The following TMEM132D variants were observed in gnomAD, a reference collection of about 807,000 sequenced individuals.
The protein encoded by TMEM132D is mature OL transmembrane protein.
Under a neutral mutation model 62.3 loss-of-function variants are expected in TMEM132D, and 21 were observed. The observed-to-expected ratio is 0.34, with a 90% CI of 0.24 to 0.49. The LOEUF is 0.49. TMEM132D is among the 20% of genes least tolerant of loss of function. The pLI, the probability that TMEM132D is intolerant of heterozygous loss-of-function variation, is 0.99. For missense variants in TMEM132D, 1,346 were observed against 1,402.8 expected, an observed-to-expected ratio of 0.96 and a Z score of 0.65; for synonymous variants, 621 against 575.6, an observed-to-expected ratio of 1.08 and a Z score of -1.13.
chr12:129,443,443 T>C (rs1298317449), intron 3 of TMEM132D, among the ~76,000 whole-genome samples: 2 of 152,178 alleles, frequency 1.3e-5, no homozygotes, highest in African/African-American at 2.4e-5. Context: ...TATGAGAAGA[T>C]AAAAGCTGAG....
chr12:129,731,085 GCTCT>G (rs1869218985), intron 1 of TMEM132D, among the ~76,000 whole-genome samples: 1 of 152,112 alleles, frequency 6.6e-6, no homozygotes, highest in South Asian at 2.1e-4. Context: ...CCAGGGGTGT[GCTCT>G]CTGAGGGCAG....
intron 1 of TMEM132D, among the ~76,000 whole-genome samples, chr12:129,820,874 C>T (rs1451357294): frequency 6.6e-6 from 1 of 152,182 alleles, no homozygotes. Flanking sequence ...CAAGTGTGCA[C>T]CAACACGCCT....
chr12:129,613,866 T>A (rs1878844863), intron 2 of TMEM132D, among the ~76,000 whole-genome samples: 1 of 151,624 alleles, frequency 6.6e-6, no homozygotes, highest in Non-Finnish European at 1.5e-5. Context: ...CCCAACCAGC[T>A]CCAGAACCCA....
chr12:129,460,672 C>T (rs140750196), intron 3 of TMEM132D, among the ~76,000 whole-genome samples: 19 of 152,262 alleles, frequency 1.2e-4, no homozygotes, highest in Middle Eastern at 3.4e-3. Context: ...AGTTTGCATT[C>T]GGGAGAGCCA....
At chr12:129,241,139 C>T (rs12426953) in intron 4 of TMEM132D, among the ~76,000 whole-genome samples, 31,768 of 143,012 alleles carry the variant, frequency 0.22, 3,747 homozygotes, top group Non-Finnish European at 0.26. Context: ...CATGCTTCAG[C>T]CCTCTTACCT....
chr12:129,810,191 T>C, intron 1 of TMEM132D, among the ~76,000 whole-genome samples: 1 of 152,140 alleles, frequency 6.6e-6, no homozygotes, highest in Middle Eastern at 3.2e-3. Flanking sequence ...GCACTCAGCA[T>C]TGGAAGTTAT....
chr12:129,765,192 T>C (rs542482378), intron 1 of TMEM132D, among the ~76,000 whole-genome samples: 1 of 152,292 alleles, frequency 6.6e-6, no homozygotes, highest in South Asian at 2.1e-4. Context: ...CATCCTTCAG[T>C]TATCTGATTC....
chr12:129,883,976 T>C (rs991791487), intron 1 of TMEM132D, among the ~76,000 whole-genome samples: 7 of 152,172 alleles, frequency 4.6e-5, no homozygotes, highest in Non-Finnish European at 8.8e-5. Flanking sequence ...CTGTCACCCA[T>C]GCAGGAGCAC....
At chr12:129,470,657 C>T (rs1041907212) in intron 3 of TMEM132D, among the ~76,000 whole-genome samples, 2 of 152,292 alleles carry the variant, frequency 1.3e-5, no homozygotes, top group South Asian at 2.1e-4. Flanking sequence ...TAAAGAGTTT[C>T]GGCATCATGT....
At chr12:129,560,405 C>T (rs155709) in intron 2 of TMEM132D, among the ~76,000 whole-genome samples, 127,795 of 151,702 alleles carry the variant, frequency 0.84, 53,972 homozygotes, top group East Asian at 0.99. Context: ...TAGCTGGGAT[C>T]ACAGGTGTGC....
chr12:129,388,509 A>G (rs1257527548), intron 3 of TMEM132D, among the ~76,000 whole-genome samples: 3 of 105,934 alleles, frequency 2.8e-5, no homozygotes, highest in Non-Finnish European at 6.8e-5. Context: ...TAGCAACACC[A>G]ATACTAACAC....
intron 3 of TMEM132D, among the ~76,000 whole-genome samples, chr12:129,376,724 A>G (rs1480770638): frequency 6.6e-6 from 1 of 152,234 alleles, no homozygotes; most frequent in East Asian, 1.9e-4. Context: ...ATAATCCCTG[A>G]GCAGACAGAA....
intron 3 of TMEM132D, among the ~76,000 whole-genome samples, chr12:129,460,898 T>G (rs1873644552): frequency 6.6e-6 from 1 of 152,176 alleles, no homozygotes; most frequent in African/African-American, 2.4e-5. Context: ...CAATCCAGAC[T>G]GCCAGAGACA....
At chr12:129,355,610 A>G (rs1870018525) in intron 3 of TMEM132D, among the ~76,000 whole-genome samples, 1 of 152,136 alleles carries the variant, frequency 6.6e-6, no homozygotes, top group African/African-American at 2.4e-5. Context: ...ACACCTTCCA[A>G]AGGTTATCTG....
intron 5 of TMEM132D, among the ~76,000 whole-genome samples, chr12:129,091,672 C>G (rs1359818120): frequency 6.6e-6 from 1 of 152,126 alleles, no homozygotes; most frequent in Non-Finnish European, 1.5e-5. Context: ...CCTTACCTAT[C>G]TCACCTGGAC....
chr12:129,135,909 C>T (rs1212073590), intron 5 of TMEM132D, among the ~76,000 whole-genome samples: 1 of 152,104 alleles, frequency 6.6e-6, no homozygotes, highest in African/African-American at 2.4e-5. Flanking sequence ...AGACACTAGC[C>T]ATATTGGATT....
At chr12:129,590,090 C>T (rs1047362113) in intron 2 of TMEM132D, among the ~76,000 whole-genome samples, 9 of 152,040 alleles carry the variant, frequency 5.9e-5, no homozygotes, top group Non-Finnish European at 1.2e-4. Context: ...CCTTCAGTAC[C>T]TTGGTTAAAG....
At chr12:129,402,537 C>T (rs1270240087) in intron 3 of TMEM132D, among the ~76,000 whole-genome samples, 1 of 152,116 alleles carries the variant, frequency 6.6e-6, no homozygotes, top group African/African-American at 2.4e-5. Flanking sequence ...CATCAGCATG[C>T]CCTAACCCTT....
intron 3 of TMEM132D, among the ~76,000 whole-genome samples, chr12:129,437,663 T>G (rs955798031): frequency 6.6e-6 from 1 of 152,032 alleles, no homozygotes; most frequent in Admixed American, 6.6e-5. Flanking sequence ...AAGCTAAACA[T>G]CCCTATACCA....
Sources: allele counts gnomAD v4.1 joint callset (sites outside exome capture counted in the v4.1 genomes callset), GRCh38; gene constraint gnomAD v4.1.1; transcripts MANE v1.5; gene names NCBI Gene and HGNC (gene_info 2026-07-23, HGNC 2026-07-21).